The following ITGB2 variants were observed in gnomAD, a reference collection of about 807,000 sequenced individuals.
ITGB2 encodes integrin subunit beta 2, also known as integrin beta-2.
Under a neutral mutation model 86.8 loss-of-function variants are expected in ITGB2, and 56 were observed. The ratio of observed to expected loss-of-function variants is 0.65; its 90% confidence interval spans 0.52 to 0.81. ITGB2 has a LOEUF of 0.81. ITGB2 is among the 30% of genes least tolerant of loss of function. The pLI, the probability that ITGB2 is intolerant of heterozygous loss-of-function variation, is 0.00. For missense variants in ITGB2, 948 were observed against 1,061.2 expected, an observed-to-expected ratio of 0.89 and a Z score of 1.48; for synonymous variants, 457 against 450.4, an observed-to-expected ratio of 1.01 and a Z score of -0.19.
At chr21:44,891,350 C>T (rs1405320632) in intron 11 of ITGB2, among the ~76,000 whole-genome samples, 2 of 151,882 alleles carry the variant, frequency 1.3e-5, no homozygotes, top group African/African-American at 2.4e-5. Context: ...TCTCTAGCCA[C>T]CCATGCCCCA....
At chr21:44,912,132 C>T (rs573720475) in intron 1 of ITGB2, among the ~76,000 whole-genome samples, 1 of 152,226 alleles carries the variant, frequency 6.6e-6, no homozygotes, top group Non-Finnish European at 1.5e-5. Context: ...GTTCCTGTCA[C>T]GGCCTCCCAG....
chr21:44,898,930 A>C (rs2083907168), intron 8 of ITGB2, 137 bp downstream of exon 8: 2 of 747,946 alleles, frequency 2.7e-6, no homozygotes, highest in Admixed American at 4.0e-5. Context: ...ACCTAGGGGG[A>C]TCCAGGACCT....
intron 1 of ITGB2, 88 bp from the exon 2 acceptor site, chr21:44,910,873 CA>C: frequency 7.3e-7 from 1 of 1,373,716 alleles, no homozygotes. Flanking sequence ...TGGCCTGGGA[CA>C]AGGAGCTGGG....
At chr21:44,895,835 T>TG (rs2083856524) in intron 8 of ITGB2, among the ~76,000 whole-genome samples, 1 of 139,938 alleles carries the variant, frequency 7.1e-6, no homozygotes, top group Non-Finnish European at 1.6e-5. Context: ...TCTGTCTCAA[T>TG]AAAATAAAAT....
At chr21:44,926,280 A>G (rs972540456) in intron 1 of ITGB2, among the ~76,000 whole-genome samples, 3 of 152,140 alleles carry the variant, frequency 2.0e-5, no homozygotes, top group African/African-American at 4.8e-5. Context: ...ACTATCCCCC[A>G]TCTGATGTGC....
chr21:44,910,923 C>CA, intron 1 of ITGB2, 138 bp from the exon 2 acceptor site: 1 of 822,434 alleles, frequency 1.2e-6, no homozygotes, highest in Non-Finnish European at 2.0e-6. Context: ...AGGGTCAGGC[C>CA]AGCACAGCTG....
At chr21:44,896,221 A>G (rs2083868944) in intron 8 of ITGB2, among the ~76,000 whole-genome samples, 1 of 152,252 alleles carries the variant, frequency 6.6e-6, no homozygotes, top group South Asian at 2.1e-4. Context: ...AGTGTTGGCC[A>G]GAATTTCCAC....
At position 44,890,063 on chromosome 21, in the gene ITGB2, G is replaced by A. The variant is rs762877350; in HGVS notation, c.1572C>T (p.Val524=). The change falls in exon 12 of 16, where the codon GTC becomes GTT. Residue 524 remains valine (V), a synonymous_variant. Coordinates refer to ENST00000652462, the MANE Select transcript of ITGB2 (RefSeq NM_000211.5). The stretch of plus-strand genomic sequence containing the variant: ...ACTGCCCGTATATCAGCTTGCCGGG[G>A]ACGTCGCTGGTGTGGCACAGGCACT... ...CGQCLCHTSD[V]PGKLIYGQYC... is the part of the protein sequence containing the mutation. 2 of 1,613,518 alleles carry A rather than the reference G, an allele frequency of 1.2e-6. No individual in the cohort carries two copies. Among genetic ancestry groups the A allele is most frequent in the Non-Finnish European group, 1.7e-6 (2 of 1,180,018 alleles).
rs754377221 is a variant in ITGB2 at position 44,900,301 on chromosome 21, G to T, written c.897+19C>A. The stretch of plus-strand genomic sequence containing the variant: ...GTGTCCTGCCAGGCGGTGCCTGGGT[G>T]CCTGGGGTGGGGACTTACGAATTCG... On this transcript the variant is annotated intron_variant, in intron 7 of 15. Transcript: ENST00000652462. 2.0e-5 allele frequency: 33 copies of T among 1,614,040 alleles called. No individual in the cohort carries two copies. The highest frequency in any genetic ancestry group is 2.6e-5 in the Non-Finnish European group (31 of 1,179,996).
chr21:44,906,664 G>T (rs568344440), intron 4 of ITGB2, among the ~76,000 whole-genome samples: 4 of 152,106 alleles, frequency 2.6e-5, no homozygotes, highest in African/African-American at 7.2e-5. Context: ...GCAGAACGTC[G>T]GGCTGCGAGA....
chr21:44,910,517 A>G, intron 2 of ITGB2, 145 bp from the exon 3 acceptor site: 2 of 1,506,562 alleles, frequency 1.3e-6, no homozygotes, highest in Admixed American at 2.0e-5. Context: ...CACCACCCCC[A>G]GGTGCAAAGA....
intron 4 of ITGB2, among the ~76,000 whole-genome samples, chr21:44,904,423 G>A (rs545189850): frequency 6.6e-6 from 1 of 150,836 alleles, no homozygotes; most frequent in East Asian, 2.0e-4. Context: ...TGCACACACA[G>A]TCACACGTAG....
chr21:44,903,182 G>C (rs2083990569), intron 5 of ITGB2, among the ~76,000 whole-genome samples, 183 bp downstream of exon 5: 1 of 152,214 alleles, frequency 6.6e-6, no homozygotes, highest in African/African-American at 2.4e-5. Context: ...GCCAGGGACT[G>C]GGTGTGGCCC....
chr21:44,912,420 C>G (rs552014193), intron 1 of ITGB2, among the ~76,000 whole-genome samples: 1 of 152,254 alleles, frequency 6.6e-6, no homozygotes, highest in Admixed American at 6.5e-5. Context: ...ACAGCTTAGA[C>G]GCCCCAACAA....
Position 44,907,071 on chromosome 21 carries a change from C to T in ITGB2, c.172G>A (p.Asp58Asn), listed in dbSNP as rs1439079846. 24 of 1,607,548 alleles carry T rather than the reference C, an allele frequency of 1.5e-5. No homozygotes were observed. The highest frequency in any genetic ancestry group is 2.7e-5 in the African/African-American group (2 of 74,820). The change falls in exon 4 of 16, where the codon GAC (aspartate) becomes AAC (asparagine). Residue 58 changes from aspartate (D) to asparagine (N), a missense_variant. Coordinates refer to ENST00000652462, the MANE Select transcript of ITGB2 (RefSeq NM_000211.5). Reference sequence around the variant, plus strand: ...GGCCGGGTGTCGCAGCGAATGGAGTCAGGATCCCCCGGCCCTGTGAAGTTC... The same window carrying T: ...GGCCGGGTGTCGCAGCGAATGGAGTTAGGATCCCCCGGCCCTGTGAAGTTC... ...KLNFTGPGDPDSIRCDTRPQL... is the reference protein window; with the variant it reads ...KLNFTGPGDPNSIRCDTRPQL...
rs1568909689 is a variant in ITGB2, at chr21:44,919,026, T to TGA, written c.-4+1794_-4+1795insTC. The stretch of plus-strand genomic sequence containing the variant: ...CCCTCTCCCAGCACTCGGAGGCACC[T>TGA]GCAGTTGCTCAGCTGTTCATTGAGT... On this transcript the variant is annotated intron_variant, in intron 1 of 15. Coordinates refer to ENST00000652462, the MANE Select transcript of ITGB2 (RefSeq NM_000211.5). Among the ~76,000 whole-genome samples, 110 of 47,182 alleles carry TGA rather than the reference T, an allele frequency of 2.3e-3. 1 individual carries two copies. The highest frequency in any genetic ancestry group is 0.01 in the Middle Eastern group (1 of 98). 31.0% of individuals were successfully genotyped at this position (47,182 alleles called of 152,430 possible). A position where few individuals can be genotyped will look rare whatever the true frequency, so the allele number is the denominator to read the frequency against.
intron 13 of ITGB2, 49 bp from the exon 14 acceptor site, chr21:44,888,944 C>T (rs367750856): frequency 8.5e-5 from 133 of 1,556,986 alleles, no homozygotes; most frequent in Middle Eastern, 3.9e-4. Flanking sequence ...GCGGGGGCTC[C>T]GGCAACGGGG....
At chr21:44,923,200 C>G (rs1731300103), upstream of ITGB2, among the ~76,000 whole-genome samples, 1 of 152,114 alleles carries the variant, frequency 6.6e-6, no homozygotes, top group Admixed American at 6.5e-5. Context: ...TAGCAAAATC[C>G]AGGCTGAAGA....
chr21:44,902,985 A>G (rs2083988007), intron 5 of ITGB2, among the ~76,000 whole-genome samples: 1 of 152,192 alleles, frequency 6.6e-6, no homozygotes, highest in Middle Eastern at 3.2e-3. Context: ...CCCTTGGCCC[A>G]GCAGAGCTTG....
Sources: gnomAD v4.1 joint callset for allele counts (sites outside exome capture counted in the v4.1 genomes callset) on GRCh38, gnomAD v4.1.1 for gene constraint, MANE v1.5 for transcripts, NCBI Gene and HGNC (gene_info 2026-07-23, HGNC 2026-07-21) for gene names.